The following GREB1 variants were observed in gnomAD, a reference collection of about 807,000 sequenced individuals.
The protein encoded by GREB1 is growth regulating estrogen receptor binding 1, also known as protein GREB1.
A neutral mutation model predicts 200.7 loss-of-function variants in GREB1; 106 were observed. That is an observed-to-expected ratio of 0.53 (90% CI 0.45 to 0.62). The LOEUF (loss-of-function observed/expected upper bound fraction) is 0.62. GREB1 is among the 20% of genes least tolerant of loss of function. The pLI is 0.00. For synonymous variants in GREB1, 1,132 were observed against 1,092.4 expected (o/e 1.04, Z -0.72); for missense variants, 2,243 against 2,556.8 (o/e 0.88, Z 2.65).
intron 1 of GREB1, chr2:11,542,739 G>T (rs1424939101): frequency 6.6e-6 from 1 of 152,626 alleles, no homozygotes; most frequent in African/African-American, 2.4e-5. Flanking sequence ...GAATCAAAGC[G>T]CACATCTTGT....
At chr2:11,528,982 T>C (rs1673976255) in intron 1 of GREB1, among the ~76,000 whole-genome samples, 1 of 152,230 alleles carries the variant, frequency 6.6e-6, no homozygotes, top group Non-Finnish European at 1.5e-5. Flanking sequence ...GACTTTATTT[T>C]CTCCTGGTTT....
rs1408277256 is a variant in GREB1, at chr2:11,595,353, G to A, written c.1799G>A (p.Gly600Glu). Reference protein sequence around the residue: ...ELVTGKVDSLGAFFSTLCPEG... With the variant: ...ELVTGKVDSLEAFFSTLCPEG... Reference sequence around the variant, plus strand: ...GTTACGGGGAAGGTAGACTCGCTGGGGGCCTTCTTTAGCACCCTCTGTCCA... The same window carrying A: ...GTTACGGGGAAGGTAGACTCGCTGGAGGCCTTCTTTAGCACCCTCTGTCCA... The change falls in exon 12 of 33, where the codon GGG (glycine) becomes GAG (glutamate). Residue 600 changes from glycine (G) to glutamate (E), a missense_variant. By Grantham distance (98) the Gly-to-Glu change is moderately conservative. Transcript: ENST00000381486. The A allele has an allele frequency of 6.2e-7, 1 of 1,613,844 alleles. No homozygotes were observed. Among genetic ancestry groups the A allele is most frequent in the Admixed American group, 1.7e-5 (1 of 60,008 alleles).
intron 1 of GREB1, among the ~76,000 whole-genome samples, chr2:11,490,694 G>A (rs371557696): frequency 1.5e-4 from 23 of 152,268 alleles, no homozygotes; most frequent in East Asian, 5.8e-4. Flanking sequence ...GATTACAGGC[G>A]TGCAGCACCA....
At chr2:11,484,153 C>T (rs1356988139) in intron 1 of GREB1, among the ~76,000 whole-genome samples, 1 of 152,162 alleles carries the variant, frequency 6.6e-6, no homozygotes, top group East Asian at 1.9e-4. Context: ...CTTCTCGATC[C>T]TCTTAGGATT....
intron 1 of GREB1, among the ~76,000 whole-genome samples, chr2:11,513,710 C>G (rs1372953020): frequency 6.6e-6 from 1 of 152,076 alleles, no homozygotes; most frequent in Non-Finnish European, 1.5e-5. Context: ...CTGTGGCTTC[C>G]TTGTAATAAC....
chr2:11,625,017 T>C, intron 23 of GREB1, 137 bp from the exon 24 acceptor site: 2 of 722,742 alleles, frequency 2.8e-6, no homozygotes, highest in South Asian at 1.6e-5. Context: ...GTAAGTGCAC[T>C]CTAGGATGTT....
chr2:11,578,925 G>C lies in GREB1; in HGVS notation c.772+494G>C, dbSNP rs527422838. Among the ~76,000 whole-genome samples the C allele has an allele frequency of 3.3e-5, 5 of 152,330 alleles. No homozygotes were observed. In the South Asian group the frequency reaches 6.2e-4, roughly 19 times the overall value. On this transcript the variant is annotated intron_variant, in intron 6 of 32. Transcript: ENST00000381486. Reference sequence around the variant, plus strand: ...TGAGGCTCATTGAGGCTGGGTGCTTGCCTAGGACCTCGTGGGCCGGAGGAG... The same window carrying C: ...TGAGGCTCATTGAGGCTGGGTGCTTCCCTAGGACCTCGTGGGCCGGAGGAG...
chr2:11,501,926 T>G (rs1673057385), intron 1 of GREB1, among the ~76,000 whole-genome samples: 1 of 108,808 alleles, frequency 9.2e-6, no homozygotes, highest in Non-Finnish European at 1.9e-5. Context: ...TTTTTTTTTT[T>G]TTTTTTTGAG....
intron 1 of GREB1, among the ~76,000 whole-genome samples, chr2:11,537,001 C>T (rs139450841): frequency 3.9e-5 from 6 of 152,194 alleles, no homozygotes; most frequent in Middle Eastern, 3.4e-3. Context: ...TCACTCTTGT[C>T]GCCCAGGCTG....
At chr2:11,582,579 CG>C (rs1558581670) in intron 7 of GREB1, among the ~76,000 whole-genome samples, 1 of 152,170 alleles carries the variant, frequency 6.6e-6, no homozygotes, top group Non-Finnish European at 1.5e-5. Flanking sequence ...GGCTCCCAGC[CG>C]TCCCAGGCTC....
At chr2:11,553,084 C>CT (rs1676089102) in intron 1 of GREB1, among the ~76,000 whole-genome samples, 1 of 150,794 alleles carries the variant, frequency 6.6e-6, no homozygotes, top group Non-Finnish European at 1.5e-5. Context: ...GTGGTATGTA[C>CT]TTATTGTTCT....
intron 1 of GREB1, among the ~76,000 whole-genome samples, chr2:11,490,453 A>G (rs991906744): frequency 6.6e-6 from 1 of 152,258 alleles, no homozygotes; most frequent in African/African-American, 2.4e-5. Flanking sequence ...TTATCCATTC[A>G]TCAGACTGAT....
intron 9 of GREB1, among the ~76,000 whole-genome samples, chr2:11,586,332 A>G (rs1399422462): frequency 2.6e-5 from 4 of 152,204 alleles, no homozygotes; most frequent in African/African-American, 9.7e-5. Flanking sequence ...CGCCACTAGT[A>G]TTTTTTGACT....
intron 1 of GREB1, among the ~76,000 whole-genome samples, chr2:11,491,717 T>G (rs947446125): frequency 7.9e-5 from 12 of 152,222 alleles, no homozygotes; most frequent in Non-Finnish European, 1.3e-4. Flanking sequence ...AAGTAAACAT[T>G]AGCAGCCTCC....
intron 12 of GREB1, among the ~76,000 whole-genome samples, chr2:11,595,758 A>G (rs1011206228): frequency 6.6e-6 from 1 of 151,978 alleles, no homozygotes; most frequent in African/African-American, 2.4e-5. Flanking sequence ...GGCTGTGAGC[A>G]TCCTTCTCCC....
chr2:11,576,241 A>G, intron 4 of GREB1, 112 bp from the exon 5 acceptor site: 2 of 796,290 alleles, frequency 2.5e-6, no homozygotes, highest in Non-Finnish European at 4.1e-6. Context: ...TGGGAGATAG[A>G]GGTTGCAGCG....
chr2:11,570,955 G>A (rs1346031838), intron 4 of GREB1, among the ~76,000 whole-genome samples: 3 of 152,060 alleles, frequency 2.0e-5, no homozygotes, highest in African/African-American at 7.2e-5. Context: ...ATCCTGGTAC[G>A]GCTCCTTAGG....
intron 1 of GREB1, among the ~76,000 whole-genome samples, chr2:11,534,746 T>C (rs902528788): frequency 8.5e-5 from 13 of 152,218 alleles, no homozygotes; most frequent in Admixed American, 2.6e-4. Context: ...TCTTCACATA[T>C]ACCTGGTTGT....
intron 17 of GREB1, among the ~76,000 whole-genome samples, chr2:11,607,293 C>T (rs963713126): frequency 5.9e-5 from 9 of 151,672 alleles, no homozygotes; most frequent in African/African-American, 1.9e-4. Flanking sequence ...GTCTTGAACC[C>T]CTTGCCTCAA....
Sources: gnomAD v4.1 joint callset for allele counts (sites outside exome capture counted in the v4.1 genomes callset) on GRCh38, gnomAD v4.1.1 for gene constraint, MANE v1.5 for transcripts, NCBI Gene and HGNC (gene_info 2026-07-23, HGNC 2026-07-21) for gene names.